SH3RF1: variants seen among roughly 807,000 people sequenced by gnomAD.
SH3RF1 encodes the protein SH3 domain containing ring finger 1.
In SH3RF1, 32 loss-of-function variants were observed where a neutral mutation model predicts 74.0. The observed-to-expected ratio is 0.43, with a 90% CI of 0.33 to 0.58. The LOEUF is 0.58. Ranked by LOEUF, SH3RF1 falls within the 20% of genes least tolerant of loss-of-function variation. The pLI is 0.05. For synonymous variants in SH3RF1, 396 were observed against 439.6 expected (o/e 0.90, Z 1.24); for missense variants, 954 against 1,130.9 (o/e 0.84, Z 2.24).
At chr4:169,251,178 T>C (rs1731098520) in intron 2 of SH3RF1, among the ~76,000 whole-genome samples, 1 of 152,234 alleles carries the variant, frequency 6.6e-6, no homozygotes, top group South Asian at 2.1e-4. Flanking sequence ...GAAGGTTAGT[T>C]AGGAGACTAT....
chr4:169,246,257 C>A (rs1473527893), intron 2 of SH3RF1, among the ~76,000 whole-genome samples: 1 of 152,096 alleles, frequency 6.6e-6, no homozygotes, highest in Admixed American at 6.6e-5. Flanking sequence ...GCATGAGACA[C>A]GTATTTCATA....
intron 2 of SH3RF1, among the ~76,000 whole-genome samples, chr4:169,221,349 C>T (rs771927474): frequency 1.3e-4 from 20 of 152,114 alleles, no homozygotes; most frequent in Non-Finnish European, 2.5e-4. Flanking sequence ...CTGTGATAGA[C>T]GATCAACCAG....
At chr4:169,234,405 C>T (rs551250357) in intron 2 of SH3RF1, among the ~76,000 whole-genome samples, 59 of 152,182 alleles carry the variant, frequency 3.9e-4, no homozygotes, top group African/African-American at 1.3e-3. Flanking sequence ...AGACGAAATA[C>T]CATGGTCTTC....
intron 4 of SH3RF1, among the ~76,000 whole-genome samples, chr4:169,155,033 A>G (rs1481047684): frequency 2.0e-5 from 3 of 152,180 alleles, no homozygotes; most frequent in African/African-American, 7.2e-5. Context: ...TGACTTATTT[A>G]ACAAATATTT....
chr4:169,267,559 TCTCA>T (rs1379506332), intron 2 of SH3RF1, among the ~76,000 whole-genome samples: 2 of 152,204 alleles, frequency 1.3e-5, no homozygotes, highest in Non-Finnish European at 2.9e-5. Context: ...ATCCCAGAGT[TCTCA>T]CTATCTTTAA....
At chr4:169,227,920 G>C (rs1032891706) in intron 2 of SH3RF1, among the ~76,000 whole-genome samples, 1 of 152,178 alleles carries the variant, frequency 6.6e-6, no homozygotes, top group Non-Finnish European at 1.5e-5. Context: ...TCACAAGAGC[G>C]AATGAAGGGA....
intron 2 of SH3RF1, among the ~76,000 whole-genome samples, chr4:169,227,881 T>C (rs1159395742): frequency 1.3e-5 from 2 of 152,180 alleles, no homozygotes; most frequent in Admixed American, 6.6e-5. Context: ...CATTTTTCAA[T>C]TCAGGAAGAG....
intron 2 of SH3RF1, among the ~76,000 whole-genome samples, chr4:169,257,291 T>G (rs527710054): frequency 1.3e-5 from 2 of 152,348 alleles, no homozygotes; most frequent in East Asian, 3.9e-4. Flanking sequence ...TTCTGTACTC[T>G]CTGGCATCTC....
chr4:169,107,408 T>C (rs572544622), intron 10 of SH3RF1, among the ~76,000 whole-genome samples: 1 of 152,334 alleles, frequency 6.6e-6, no homozygotes, highest in Admixed American at 6.5e-5. Context: ...TTATTCATAA[T>C]CTGGCCACCA....
At chr4:169,129,814 G>A (rs973734835) in intron 6 of SH3RF1, among the ~76,000 whole-genome samples, 2 of 152,176 alleles carry the variant, frequency 1.3e-5, no homozygotes, top group African/African-American at 4.8e-5. Context: ...GTATTTTTGA[G>A]TTCTTCTAAT....
chr4:169,212,037 A>AT (rs1171254453), intron 2 of SH3RF1, among the ~76,000 whole-genome samples: 6 of 112,712 alleles, frequency 5.3e-5, no homozygotes, highest in Admixed American at 2.5e-4. Context: ...TTGTTTTCTA[A>AT]TTTTTTTTTC....
At chr4:169,221,451 G>A (rs1730563249) in intron 2 of SH3RF1, among the ~76,000 whole-genome samples, 1 of 152,002 alleles carries the variant, frequency 6.6e-6, no homozygotes. Flanking sequence ...CAACTTGCTG[G>A]GTCTGATCCC....
In SH3RF1 at chr4:169,130,165, A is replaced by G; in HGVS notation, c.1069-9T>C. 2.6e-6 allele frequency: 4 copies of G among 1,540,954 alleles called. No individual in the cohort carries two copies. The highest frequency in any genetic ancestry group is 2.8e-5 in the African/African-American group (2 of 70,970). ...GTGGTACTTATATGAACCTGCCGAG[A>G]AAAGAAAAGTTATTAAAAAGAAGAC... On this transcript the variant is annotated splice_polypyrimidine_tract_variant and intron_variant, in intron 5 of 11. Coordinates refer to ENST00000284637, the MANE Select transcript of SH3RF1 (RefSeq NM_020870.4).
At chr4:169,263,315 CCT>C (rs990656604) in intron 2 of SH3RF1, among the ~76,000 whole-genome samples, 2 of 152,194 alleles carry the variant, frequency 1.3e-5, no homozygotes, top group South Asian at 2.1e-4. Flanking sequence ...TATCCCACCC[CCT>C]GATGCTTCAC....
At chr4:169,223,275 A>G (rs1730597923) in intron 2 of SH3RF1, among the ~76,000 whole-genome samples, 1 of 152,210 alleles carries the variant, frequency 6.6e-6, no homozygotes, top group Non-Finnish European at 1.5e-5. Context: ...TAGAAATATA[A>G]GCCACCACAC....
rs56229906 is a variant in SH3RF1, at chr4:169,255,622, T to TACACACACACACACACACACACACACAC, written c.393+13170_393+13197dup. Among the ~76,000 whole-genome samples the TACACACACACACACACACACACACACAC allele has an allele frequency of 6.2e-4, 77 of 124,682 alleles. 1 individual carries two copies. Among genetic ancestry groups the TACACACACACACACACACACACACACAC allele is most frequent in the Non-Finnish European group, 9.0e-4 (53 of 58,960 alleles). The allele number at this position is 124,682 out of a possible 152,430, so 81.8% of individuals were successfully genotyped here. On this transcript the variant is annotated intron_variant, in intron 2 of 11. Transcript: ENST00000284637. ...ATACATACACACATACATACACACA[T>TACACACACACACACACACACACACACAC]ACACACACACACACACACACACACA... is the stretch of plus-strand genomic sequence containing the variant.
At chr4:169,104,364 A>C (rs952231440) in intron 11 of SH3RF1, among the ~76,000 whole-genome samples, 4 of 152,240 alleles carry the variant, frequency 2.6e-5, no homozygotes, top group South Asian at 4.1e-4. Context: ...CTCCAGGGAC[A>C]GAAGGTGCTA....
intron 11 of SH3RF1, among the ~76,000 whole-genome samples, chr4:169,099,889 GAC>G (rs1732989924): frequency 6.6e-6 from 1 of 152,078 alleles, no homozygotes; most frequent in Admixed American, 6.6e-5. Flanking sequence ...TGGAAACTGT[GAC>G]ACAGTCTTGA....
intron 2 of SH3RF1, among the ~76,000 whole-genome samples, chr4:169,264,789 A>G (rs938404530): frequency 3.3e-5 from 5 of 152,162 alleles, no homozygotes; most frequent in African/African-American, 7.2e-5. Context: ...TGCCTTCTAC[A>G]TTATCAAATT....
Sources: allele counts gnomAD v4.1 joint callset (sites outside exome capture counted in the v4.1 genomes callset), GRCh38; gene constraint gnomAD v4.1.1; transcripts MANE v1.5; gene names NCBI Gene and HGNC (gene_info 2026-07-23, HGNC 2026-07-21).